The following SEMA5B variants were observed in gnomAD, a reference collection of about 807,000 sequenced individuals.
The protein encoded by SEMA5B is semaphorin 5B, also known as semaphorin-5B.
A neutral mutation model predicts 135.0 loss-of-function variants in SEMA5B; 66 were observed. That is an observed-to-expected ratio of 0.49 (90% CI 0.40 to 0.60). SEMA5B has a LOEUF of 0.60. SEMA5B is among the 20% of genes least tolerant of loss of function. The pLI is 0.00. For synonymous variants in SEMA5B, 690 were observed against 639.5 expected, an observed-to-expected ratio of 1.08 and a Z score of -1.19; for missense variants, 1,501 against 1,566.3, an observed-to-expected ratio of 0.96 and a Z score of 0.70.
intron 1 of SEMA5B, among the ~76,000 whole-genome samples, chr3:123,009,519 G>C (rs1942389443): frequency 6.7e-6 from 1 of 148,374 alleles, no homozygotes; most frequent in Non-Finnish European, 1.5e-5. Context: ...GTATGTGTGT[G>C]TGTGTATGTG....
At chr3:122,992,819 A>G (rs982051907) in intron 1 of SEMA5B, 1 of 152,244 alleles carries the variant, frequency 6.6e-6, no homozygotes, top group Non-Finnish European at 1.5e-5. Flanking sequence ...CATGCAGGGA[A>G]ATCAGACAGC....
intron 1 of SEMA5B, among the ~76,000 whole-genome samples, chr3:123,023,676 C>T (rs766916176): frequency 1.2e-4 from 19 of 152,220 alleles, no homozygotes; most frequent in Non-Finnish European, 2.1e-4. Context: ...CTTTGGACAA[C>T]TCCACATTAG....
Position 122,927,886 on chromosome 3 carries a change from C to A in SEMA5B, c.754G>T (p.Val252Phe). The change falls in exon 8 of 23, where the codon GTC (valine) becomes TTC (phenylalanine). Residue 252 changes from valine to phenylalanine, a missense_variant. Val to Phe is a conservative substitution (Grantham distance 50). This residue lies in a region of SEMA5B where 574 missense variants were observed against 684.7 expected (regional missense o/e 0.84). Transcript: ENST00000357599. ...GGGTCCCGACCTGAGAAGTCGATGA[C>A]CGTGGCTGCATAGAGCTCCCCCTGG... Reference protein sequence around the residue: ...SSQGELYAATVIDFSGRDPAI... With the variant: ...SSQGELYAATFIDFSGRDPAI... 1 of 1,596,308 alleles carries A rather than the reference C, an allele frequency of 6.3e-7. No homozygotes were observed. Among genetic ancestry groups the A allele is most frequent in the South Asian group, 1.1e-5 (1 of 87,998 alleles).
chr3:122,997,923 T>G (rs1190306951), intron 1 of SEMA5B, among the ~76,000 whole-genome samples: 1 of 152,158 alleles, frequency 6.6e-6, no homozygotes, highest in Non-Finnish European at 1.5e-5. Flanking sequence ...CCCCAGCCTC[T>G]AGGTATCACC....
At chr3:122,939,904 G>A (rs566302081) in intron 4 of SEMA5B, among the ~76,000 whole-genome samples, 1 of 152,150 alleles carries the variant, frequency 6.6e-6, no homozygotes, top group South Asian at 2.1e-4. Context: ...TCCTACTCTG[G>A]CCCTCCACCC....
chr3:123,021,329 G>T (rs540030022), intron 1 of SEMA5B, among the ~76,000 whole-genome samples: 28 of 152,282 alleles, frequency 1.8e-4, no homozygotes, highest in Non-Finnish European at 3.7e-4. Context: ...CTCAGAGAGG[G>T]CTCCTAGCTT....
chr3:122,928,938 C>T, intron 6 of SEMA5B, 58 bp downstream of exon 6: 1 of 1,554,970 alleles, frequency 6.4e-7, no homozygotes, highest in Non-Finnish European at 8.8e-7. Flanking sequence ...TCCATCCCCA[C>T]AACCACAGGC....
At chr3:122,945,055 T>C (rs1053132382) in intron 3 of SEMA5B, among the ~76,000 whole-genome samples, 1 of 152,234 alleles carries the variant, frequency 6.6e-6, no homozygotes, top group East Asian at 1.9e-4. Context: ...AAATAAATCA[T>C]TGCTCATTAT....
chr3:122,997,701 T>C (rs2877679), intron 1 of SEMA5B, among the ~76,000 whole-genome samples: 1 of 152,326 alleles, frequency 6.6e-6, no homozygotes, highest in South Asian at 2.1e-4. Context: ...CATCTCTGCA[T>C]AATGCCTGTG....
rs1218346679 is a variant in SEMA5B, at chr3:122,913,521, C to A, written c.2280+13G>T. 1 of 1,607,538 alleles carries A rather than the reference C, an allele frequency of 6.2e-7. No individual in the cohort carries two copies. Among genetic ancestry groups the A allele is most frequent in the Non-Finnish European group, 8.5e-7 (1 of 1,178,342 alleles). ...CCTACACCGCGCCCCTGGCCCACGG[C>A]CCCAACCCTCACCACGCCGCAGCCC... On this transcript the variant is annotated intron_variant, in intron 16 of 22. Transcript: ENST00000357599.
chr3:122,955,424 G>C (rs1940248922), intron 2 of SEMA5B, among the ~76,000 whole-genome samples: 1 of 152,222 alleles, frequency 6.6e-6, no homozygotes, highest in East Asian at 1.9e-4. Flanking sequence ...GTCTCAACTA[G>C]TTTAAGCCCT....
At chr3:122,940,067 T>C (rs1456260275) in intron 4 of SEMA5B, among the ~76,000 whole-genome samples, 2 of 152,012 alleles carry the variant, frequency 1.3e-5, no homozygotes, top group East Asian at 3.9e-4. Context: ...GACCACCCTC[T>C]CTCCTCTAAC....
chr3:122,997,993 C>A (rs1222201703), intron 1 of SEMA5B, among the ~76,000 whole-genome samples: 3 of 152,222 alleles, frequency 2.0e-5, no homozygotes, highest in Admixed American at 1.3e-4. Flanking sequence ...CCTCAGGCAG[C>A]AAACACTGCC....
chr3:122,988,065 C>A (rs1678413927), intron 1 of SEMA5B, among the ~76,000 whole-genome samples: 1 of 152,140 alleles, frequency 6.6e-6, no homozygotes, highest in African/African-American at 2.4e-5. Flanking sequence ...CACCCAGAAG[C>A]CATGCAGAAA....
At chr3:122,928,895 T>C (rs1938796372) in intron 6 of SEMA5B, 101 bp downstream of exon 6, 1 of 1,224,854 alleles carries the variant, frequency 8.2e-7, no homozygotes, top group African/African-American at 1.5e-5. Context: ...GCCAGGCCTC[T>C]CTAGCAGGGG....
chr3:122,991,860 C>A (rs1941889611), intron 1 of SEMA5B, among the ~76,000 whole-genome samples: 1 of 152,094 alleles, frequency 6.6e-6, no homozygotes, highest in Non-Finnish European at 1.5e-5. Flanking sequence ...GAGATATAAG[C>A]AAAGACCATA....
chr3:122,922,495 G>A (rs1353696139), intron 10 of SEMA5B, 48 bp from the exon 11 acceptor site: 5 of 1,509,568 alleles, frequency 3.3e-6, no homozygotes, highest in South Asian at 1.2e-5. Context: ...CAGGGCTGCC[G>A]CCATCCCCCG....
At chr3:122,933,009 C>T (rs981317026) in intron 5 of SEMA5B, among the ~76,000 whole-genome samples, 3 of 152,092 alleles carry the variant, frequency 2.0e-5, no homozygotes, top group African/African-American at 7.2e-5. Flanking sequence ...TGTAAGCCAC[C>T]ATGCCTGGGC....
chr3:122,971,960 C>G (rs116772351), intron 1 of SEMA5B, among the ~76,000 whole-genome samples: 1 of 152,232 alleles, frequency 6.6e-6, no homozygotes, highest in Non-Finnish European at 1.5e-5. Flanking sequence ...TCTTCACAGA[C>G]TTGTGAAGGT....
Sources: gnomAD v4.1 joint callset for allele counts (sites outside exome capture counted in the v4.1 genomes callset) on GRCh38, gnomAD v4.1.1 for gene constraint, gnomAD v4.1.1 regional missense constraint, MANE v1.5 for transcripts, NCBI Gene and HGNC (gene_info 2026-07-23, HGNC 2026-07-21) for gene names.